Variants in PDGFD observed in about 807,000 individuals in gnomAD.
PDGFD encodes the protein platelet derived growth factor D, also known as platelet-derived growth factor D.
PDGFD carries 30 observed loss-of-function variants against 44.7 expected under a neutral mutation model. That is an observed-to-expected ratio of 0.67 (90% CI 0.50 to 0.91). The LOEUF is 0.91. Among genes scored for constraint, PDGFD ranks in the 40% least tolerant of loss-of-function variants. The pLI is 0.00. For missense variants in PDGFD, 445 were observed against 457.8 expected (o/e 0.97, Z 0.25); for synonymous variants, 173 against 168.4 (o/e 1.03, Z -0.21).
At chr11:104,100,077 A>G (rs1187491544) in intron 1 of PDGFD, among the ~76,000 whole-genome samples, 1 of 152,114 alleles carries the variant, frequency 6.6e-6, no homozygotes, top group Non-Finnish European at 1.5e-5. Flanking sequence ...ATGATGCCTA[A>G]CAAGAAGGAA....
intron 1 of PDGFD, among the ~76,000 whole-genome samples, chr11:104,068,511 G>A (rs900340975): frequency 1.3e-5 from 2 of 152,064 alleles, no homozygotes; most frequent in Non-Finnish European, 2.9e-5. Context: ...ATGAAATTTT[G>A]TGACATTTCT....
intron 5 of PDGFD, among the ~76,000 whole-genome samples, chr11:103,934,505 G>C (rs1397819852): frequency 6.6e-6 from 1 of 152,184 alleles, no homozygotes; most frequent in Non-Finnish European, 1.5e-5. Context: ...TTCTCATACT[G>C]AGATAAAGAA....
intron 1 of PDGFD, among the ~76,000 whole-genome samples, chr11:104,044,924 G>A (rs571480572): frequency 6.6e-6 from 1 of 152,298 alleles, no homozygotes; most frequent in Non-Finnish European, 1.5e-5. Context: ...TGTAGTCCCA[G>A]GTAGTCCGGA....
At chr11:104,031,411 T>C (rs1215982821) in intron 1 of PDGFD, among the ~76,000 whole-genome samples, 1 of 152,198 alleles carries the variant, frequency 6.6e-6, no homozygotes, top group Admixed American at 6.5e-5. Flanking sequence ...TCACTGATCA[T>C]TAAAGAAATG....
At chr11:104,105,750 A>T (rs1395975607) in intron 1 of PDGFD, among the ~76,000 whole-genome samples, 1 of 152,176 alleles carries the variant, frequency 6.6e-6, no homozygotes, top group Non-Finnish European at 1.5e-5. Context: ...ACTGACAATA[A>T]AAATGGAAGA....
intron 1 of PDGFD, among the ~76,000 whole-genome samples, chr11:104,156,345 ACT>A (rs1354793212): frequency 2.0e-5 from 3 of 152,172 alleles, no homozygotes; most frequent in Non-Finnish European, 2.9e-5. Context: ...CTACAGCAAG[ACT>A]CTGTCTCAAA....
chr11:104,053,560 T>A (rs544139648), intron 1 of PDGFD, among the ~76,000 whole-genome samples: 27 of 152,344 alleles, frequency 1.8e-4, no homozygotes, highest in Admixed American at 1.4e-3. Flanking sequence ...GTAATAACTA[T>A]AAATTGCAGA....
At chr11:104,143,016 C>T (rs906702737) in intron 1 of PDGFD, among the ~76,000 whole-genome samples, 1 of 152,152 alleles carries the variant, frequency 6.6e-6, no homozygotes, top group Non-Finnish European at 1.5e-5. Flanking sequence ...CCACAGCTCA[C>T]TGAAAAATGG....
At chr11:104,137,727 A>G (rs571761456) in intron 1 of PDGFD, among the ~76,000 whole-genome samples, 1,263 of 104,582 alleles carry the variant, frequency 0.012, 14 homozygotes, top group Admixed American at 0.027. Context: ...ATAGATCACC[A>G]CTTTTTTTTT....
rs1453189997 is a variant in PDGFD at position 103,943,484 on chromosome 11, C to T, written c.740G>A (p.Arg247Gln). The stretch of plus-strand genomic sequence containing the variant: ...CTTCCGGTCATGGTATGACCTGCCT[C>T]GATACCGAGGGGTGTCCAGATACAT... ...ENMYLDTPRYRGRSYHDRKSK... is the reference protein window; with the variant it reads ...ENMYLDTPRYQGRSYHDRKSK... Residue 247 changes from arginine (R) to glutamine (Q), a missense_variant, in exon 5 of 7, where the codon CGA becomes CAA. Coordinates refer to ENST00000393158, the MANE Select transcript of PDGFD (RefSeq NM_025208.5). 2.5e-6 allele frequency: 4 copies of T among 1,612,840 alleles called. No homozygotes were observed. The highest frequency in any genetic ancestry group is 1.1e-5 in the South Asian group (1 of 90,986).
At position 104,088,117 on chromosome 11, in the gene PDGFD, T is replaced by C. The variant is rs529576319; in HGVS notation, c.124+75687A>G. ...ACACTAATAAATAGTTTCTTGACTA[T>C]ACACAAATGACTATAGTGAGTTCCT... is the stretch of plus-strand genomic sequence containing the variant. On this transcript the variant is annotated intron_variant, in intron 1 of 6. Transcript: ENST00000393158. Among the ~76,000 whole-genome samples, 14 of 152,376 alleles carry C rather than the reference T, an allele frequency of 9.2e-5. 1 individual carries two copies. The highest frequency in any genetic ancestry group is 2.6e-4 in the Admixed American group (4 of 15,310).
intron 1 of PDGFD, among the ~76,000 whole-genome samples, chr11:104,071,311 A>G (rs1860872972): frequency 6.6e-6 from 1 of 151,776 alleles, no homozygotes; most frequent in Non-Finnish European, 1.5e-5. Context: ...TGTTTAAGAA[A>G]TAAATGTCAA....
intron 1 of PDGFD, among the ~76,000 whole-genome samples, chr11:104,067,483 C>A (rs1366914822): frequency 6.6e-6 from 1 of 152,010 alleles, no homozygotes. Context: ...TATTAGAATT[C>A]AATCAAATAA....
At chr11:104,154,936 T>TG (rs1862287551) in intron 1 of PDGFD, among the ~76,000 whole-genome samples, 2 of 152,210 alleles carry the variant, frequency 1.3e-5, no homozygotes, top group African/African-American at 2.4e-5. Context: ...CCTCTGCATC[T>TG]GCTCCAAGCT....
intron 3 of PDGFD, among the ~76,000 whole-genome samples, chr11:103,965,824 AC>A (rs140798287): frequency 6.6e-6 from 1 of 151,758 alleles, no homozygotes; most frequent in African/African-American, 2.4e-5. Flanking sequence ...AAAATGGAAA[AC>A]CCTGACACTT....
chr11:104,129,868 G>A (rs1361876929), intron 1 of PDGFD, among the ~76,000 whole-genome samples: 1 of 151,904 alleles, frequency 6.6e-6, no homozygotes, highest in Non-Finnish European at 1.5e-5. Flanking sequence ...AATTAGCCAG[G>A]CATGGTGGCG....
intron 5 of PDGFD, among the ~76,000 whole-genome samples, chr11:103,928,158 A>C (rs1028057949): frequency 6.6e-6 from 1 of 152,268 alleles, no homozygotes; most frequent in South Asian, 2.1e-4. Flanking sequence ...ATTGTGTTAC[A>C]TAAATTAGAT....
chr11:104,070,617 T>C (rs1860859284), intron 1 of PDGFD, among the ~76,000 whole-genome samples: 1 of 152,226 alleles, frequency 6.6e-6, no homozygotes, highest in African/African-American at 2.4e-5. Flanking sequence ...GGTAAAATCA[T>C]GCTCCTCATT....
At chr11:104,050,279 G>A (rs1860511465) in intron 1 of PDGFD, among the ~76,000 whole-genome samples, 2 of 152,128 alleles carry the variant, frequency 1.3e-5, no homozygotes, top group African/African-American at 4.8e-5. Flanking sequence ...ACGGTGTGAA[G>A]ACCAGACTGT....
Sources: gnomAD v4.1 joint callset for allele counts (sites outside exome capture counted in the v4.1 genomes callset) on GRCh38, gnomAD v4.1.1 for gene constraint, MANE v1.5 for transcripts, NCBI Gene and HGNC (gene_info 2026-07-23, HGNC 2026-07-21) for gene names.